PRKCA: variants seen among roughly 807,000 people sequenced by gnomAD.
PRKCA encodes the protein protein kinase C alpha type.
A neutral mutation model predicts 87.0 loss-of-function variants in PRKCA; 27 were observed. The ratio of observed to expected loss-of-function variants is 0.31; its 90% confidence interval spans 0.23 to 0.43. The LOEUF is 0.43. Ranked by LOEUF, PRKCA falls within the 20% of genes least tolerant of loss-of-function variation. The probability of loss-of-function intolerance (pLI) is 1.00; values close to 1 mark genes in which losing one functional copy is unlikely to be tolerated. For synonymous variants in PRKCA, 329 were observed against 311.1 expected (o/e 1.06, Z -0.61); for missense variants, 518 against 852.3 (o/e 0.61, Z 4.88).
intron 8 of PRKCA, among the ~76,000 whole-genome samples, chr17:66,709,301 CTTTTTTTTTT>C (rs552633887): frequency 2.4e-5 from 2 of 84,872 alleles, no homozygotes; most frequent in Non-Finnish European, 2.3e-5. Context: ...GAGATGATTT[CTTTTTTTTTT>C]TTTTTTTTTT....
intron 8 of PRKCA, among the ~76,000 whole-genome samples, chr17:66,727,952 G>C (rs1316310680): frequency 6.6e-6 from 1 of 152,158 alleles, no homozygotes; most frequent in African/African-American, 2.4e-5. Flanking sequence ...ATATCCACTG[G>C]CTGTCTCCCT....
intron 2 of PRKCA, among the ~76,000 whole-genome samples, chr17:66,493,237 CT>C (rs367728107): frequency 1.4e-3 from 210 of 151,916 alleles, no homozygotes; most frequent in African/African-American, 4.9e-3. Context: ...CCCTAATATA[CT>C]GTATCTTCAT....
chr17:66,541,602 G>C (rs1367540917), intron 3 of PRKCA, among the ~76,000 whole-genome samples: 2 of 152,336 alleles, frequency 1.3e-5, no homozygotes, highest in Non-Finnish European at 2.9e-5. Context: ...AATTGCACGT[G>C]CAAAGCAGAG....
intron 10 of PRKCA, among the ~76,000 whole-genome samples, chr17:66,737,692 G>A (rs1439114351): frequency 3.3e-5 from 5 of 152,170 alleles, no homozygotes; most frequent in South Asian, 2.1e-4. Flanking sequence ...TAGCGCTGGC[G>A]GCACGTTGAG....
chr17:66,702,280 C>G (rs1168961047), intron 8 of PRKCA, among the ~76,000 whole-genome samples: 1 of 151,914 alleles, frequency 6.6e-6, no homozygotes, highest in Non-Finnish European at 1.5e-5. Context: ...ATGGATGAAC[C>G]TGGAGGACAT....
intron 3 of PRKCA, among the ~76,000 whole-genome samples, chr17:66,623,472 T>A (rs1970751661): frequency 6.6e-6 from 1 of 152,192 alleles, no homozygotes; most frequent in Non-Finnish European, 1.5e-5. Flanking sequence ...AAACATGTAT[T>A]GAGCTCCCAG....
chr17:66,626,202 CTT>C (rs559635396), intron 3 of PRKCA, among the ~76,000 whole-genome samples: 1 of 138,510 alleles, frequency 7.2e-6, no homozygotes. Flanking sequence ...TTTTTCTTTT[CTT>C]TTTTTTTTTT....
intron 2 of PRKCA, among the ~76,000 whole-genome samples, chr17:66,375,405 G>A (rs1313310187): frequency 6.6e-6 from 1 of 152,198 alleles, no homozygotes; most frequent in Admixed American, 6.5e-5. Context: ...TACATGGGCT[G>A]TATAGTGATG....
chr17:66,774,186 C>T, intron 14 of PRKCA, 119 bp downstream of exon 14: 1 of 1,568,952 alleles, frequency 6.4e-7, no homozygotes, highest in Non-Finnish European at 8.7e-7. Context: ...GGCGTGACTT[C>T]CCTGACCCAG....
rs185879423 is a variant in PRKCA at position 66,657,357 on chromosome 17, A to C, written c.529+11846A>C. On this transcript the variant is annotated intron_variant, in intron 5 of 16. Coordinates refer to ENST00000413366, the MANE Select transcript of PRKCA (RefSeq NM_002737.3). ...AATAGAAGCAAGGCAAACTTCCTAT[A>C]AAAGTTTTTGCAGTGGGGGTGGTGA... 4.3e-3 allele frequency among the ~76,000 whole-genome samples: 653 copies of C among 152,336 alleles called. 4 individuals carry two copies. The highest frequency in any genetic ancestry group is 7.1e-3 in the Non-Finnish European group (486 of 68,030).
intron 3 of PRKCA, among the ~76,000 whole-genome samples, chr17:66,563,995 CT>C (rs1968802403): frequency 4.6e-5 from 5 of 107,680 alleles, no homozygotes; most frequent in East Asian, 2.6e-4. Flanking sequence ...TCCTTCCTTC[CT>C]TCCTTCCTCC....
At chr17:66,630,229 A>G (rs1297142944) in intron 3 of PRKCA, among the ~76,000 whole-genome samples, 1 of 152,254 alleles carries the variant, frequency 6.6e-6, no homozygotes, top group Non-Finnish European at 1.5e-5. Flanking sequence ...AAGAAAAATA[A>G]TGATTTATCC....
At chr17:66,375,203 T>C (rs1239117792) in intron 2 of PRKCA, among the ~76,000 whole-genome samples, 2 of 152,158 alleles carry the variant, frequency 1.3e-5, no homozygotes, top group East Asian at 1.9e-4. Flanking sequence ...ATCTTGAGAA[T>C]GAACACAGTT....
intron 14 of PRKCA, among the ~76,000 whole-genome samples, chr17:66,782,538 A>G (rs1975265313): frequency 6.6e-6 from 1 of 152,118 alleles, no homozygotes; most frequent in South Asian, 2.1e-4. Context: ...ATTCCCATCA[A>G]TTCATTAGAG....
intron 5 of PRKCA, among the ~76,000 whole-genome samples, chr17:66,661,455 C>T (rs1315267131): frequency 1.3e-5 from 2 of 152,174 alleles, no homozygotes; most frequent in East Asian, 1.9e-4. Context: ...CCTTCTACTT[C>T]GATGCTCCTT....
At chr17:66,495,059 C>T (rs1916409060) in intron 2 of PRKCA, among the ~76,000 whole-genome samples, 1 of 151,074 alleles carries the variant, frequency 6.6e-6, no homozygotes, top group Admixed American at 6.6e-5. Context: ...CCAAGATCAC[C>T]CCACTGCACT....
chr17:66,621,756 A>G (rs958079928), intron 3 of PRKCA, among the ~76,000 whole-genome samples: 1 of 152,164 alleles, frequency 6.6e-6, no homozygotes, highest in Non-Finnish European at 1.5e-5. Context: ...CTCTAGGTGC[A>G]TACGTCCCAG....
At chr17:66,315,347 A>G (rs940307467) in intron 2 of PRKCA, among the ~76,000 whole-genome samples, 1 of 152,198 alleles carries the variant, frequency 6.6e-6, no homozygotes, top group African/African-American at 2.4e-5. Context: ...CCTGGGCAGT[A>G]TGAGTCCAGA....
intron 2 of PRKCA, among the ~76,000 whole-genome samples, chr17:66,410,199 C>A (rs957265106): frequency 1.3e-4 from 11 of 82,082 alleles, no homozygotes; most frequent in African/African-American, 4.2e-4. Flanking sequence ...TAGGTGATAC[C>A]AACAGAGATT....
Sources: gnomAD v4.1 joint callset for allele counts (sites outside exome capture counted in the v4.1 genomes callset) on GRCh38, gnomAD v4.1.1 for gene constraint, MANE v1.5 for transcripts, NCBI Gene and HGNC (gene_info 2026-07-23, HGNC 2026-07-21) for gene names.